GRM1: variants seen among roughly 807,000 people sequenced by gnomAD.
GRM1 encodes the protein metabotropic glutamate receptor 1.
Under a neutral mutation model 90.9 loss-of-function variants are expected in GRM1, and 33 were observed. The observed-to-expected ratio is 0.36, with a 90% confidence interval of 0.28 to 0.49. The LOEUF is 0.49. Ranked by LOEUF, GRM1 falls within the 20% of genes least tolerant of loss-of-function variation. The pLI, the probability that GRM1 is intolerant of heterozygous loss-of-function variation, is 0.99. For missense variants in GRM1, 1,190 were observed against 1,534.3 expected (o/e 0.78, Z 3.75); for synonymous variants, 700 against 613.2 (o/e 1.14, Z -2.09).
chr6:146,399,200 G>T lies in GRM1; in HGVS notation c.2161G>T (p.Val721Leu). 6.2e-7 allele frequency: 1 copy of T among 1,614,020 alleles called. No individual in the cohort carries two copies. The change falls in exon 7 of 8, where the codon GTG becomes TTG. Residue 721 changes from valine (V) to leucine (L), a missense_variant. Transcript: ENST00000282753. The surrounding 1 kb of genome is among the most constrained non-coding windows in gnomAD (Gnocchi z 5.4). ...SILISVQLTLVVTLIIMEPPM... is the reference protein window; with the variant it reads ...SILISVQLTLLVTLIIMEPPM... ...TCTGATTAGTGTGCAACTAACCCTG[G>T]TGGTAACCCTGATCATCATGGAACC... is the stretch of plus-strand genomic sequence containing the variant.
intron 1 of GRM1, among the ~76,000 whole-genome samples, chr6:146,078,484 G>A (rs1304022974): frequency 6.6e-6 from 1 of 152,166 alleles, no homozygotes; most frequent in Non-Finnish European, 1.5e-5. Context: ...GGTCCACTGG[G>A]CATGATTGAT....
At chr6:146,350,392 G>C (rs962205327) in intron 3 of GRM1, among the ~76,000 whole-genome samples, 2 of 151,844 alleles carry the variant, frequency 1.3e-5, no homozygotes, top group Non-Finnish European at 2.9e-5. Context: ...CTGCAACTTT[G>C]GGTGATGGTT....
At chr6:146,176,527 G>C (rs1018620709) in intron 2 of GRM1, among the ~76,000 whole-genome samples, 2 of 151,972 alleles carry the variant, frequency 1.3e-5, no homozygotes, top group African/African-American at 4.8e-5. Flanking sequence ...TTAGTGTGTT[G>C]ACTTGTTCAA....
chr6:146,239,573 CTG>C (rs1780776573), intron 2 of GRM1, among the ~76,000 whole-genome samples: 1 of 152,066 alleles, frequency 6.6e-6, no homozygotes, highest in Non-Finnish European at 1.5e-5. Context: ...ATGCCAGTGT[CTG>C]TGCTGTACAC....
chr6:146,344,234 G>A (rs146137505), intron 3 of GRM1, among the ~76,000 whole-genome samples: 179 of 152,230 alleles, frequency 1.2e-3, no homozygotes, highest in African/African-American at 3.9e-3. Context: ...ATACGTGTGT[G>A]TAGCTATTTG....
chr6:146,417,490 T>C lies in GRM1; in HGVS notation c.2661-16382T>C, dbSNP rs75757447. On this transcript the variant is annotated intron_variant, in intron 7 of 7. Coordinates refer to ENST00000282753, the MANE Select transcript of GRM1 (RefSeq NM_001278064.2). ...ATGTGGCTATGATGTTCTTTAGGACTATGGTGATTACACTTGTAATACTAT... is the reference window on the plus strand; with the variant it reads ...ATGTGGCTATGATGTTCTTTAGGACCATGGTGATTACACTTGTAATACTAT... 4.1e-3 allele frequency among the ~76,000 whole-genome samples: 627 copies of C among 152,324 alleles called. 15 individuals are homozygous for C. In the East Asian group the frequency reaches 0.078, roughly 19 times the overall value.
At chr6:146,287,227 G>C (rs1295448054) in intron 2 of GRM1, among the ~76,000 whole-genome samples, 1 of 152,108 alleles carries the variant, frequency 6.6e-6, no homozygotes, top group Admixed American at 6.5e-5. Context: ...ATTTTGGCTT[G>C]GAGTTGTGAT....
intron 7 of GRM1, among the ~76,000 whole-genome samples, chr6:146,431,705 A>G (rs1778414368): frequency 6.6e-6 from 1 of 152,166 alleles, no homozygotes; most frequent in Admixed American, 6.5e-5. Context: ...GCCTATGAAG[A>G]AGTGGGAAGA....
In GRM1 at chr6:146,433,924, A is replaced by C; in HGVS notation, c.2713A>C (p.Lys905Gln). 1 of 1,613,920 alleles carries C rather than the reference A, an allele frequency of 6.2e-7. No homozygotes were observed. Among genetic ancestry groups the C allele is most frequent in the Non-Finnish European group, 8.5e-7 (1 of 1,179,802 alleles). ...WSEPGGGQVP[K>Q]GQHMWHRLSV... ...TGAACCAGGTGGAGGACAGGTGCCC[A>C]AGGGACAGCATATGTGGCACCGCCT... The change falls in exon 8 of 8, where the codon AAG becomes CAG. Residue 905 changes from lysine to glutamine, a missense_variant. Physicochemically the swap from Lys to Gln is moderately conservative, Grantham distance 53. Around this residue, in one of 10 missense-constraint regions of GRM1, gnomAD observed 400 missense variants for 360.8 expected, o/e 1.11. Coordinates refer to ENST00000282753, the MANE Select transcript of GRM1 (RefSeq NM_001278064.2).
intron 2 of GRM1, among the ~76,000 whole-genome samples, chr6:146,195,726 A>G (rs1779091883): frequency 6.6e-6 from 1 of 152,248 alleles, no homozygotes; most frequent in Non-Finnish European, 1.5e-5. Context: ...GAGAAGTCCC[A>G]GTAAAAGGGA....
chr6:146,164,671 G>T (rs531690447), intron 2 of GRM1, among the ~76,000 whole-genome samples: 12 of 152,148 alleles, frequency 7.9e-5, no homozygotes, highest in African/African-American at 2.9e-4. Context: ...TCATCACTGG[G>T]TCTCACTAGT....
intron 3 of GRM1, among the ~76,000 whole-genome samples, chr6:146,325,100 C>A (rs1562610347): frequency 6.6e-6 from 1 of 152,156 alleles, no homozygotes; most frequent in Non-Finnish European, 1.5e-5. Flanking sequence ...AACAAAATAT[C>A]TTTATTTTCT....
intron 2 of GRM1, among the ~76,000 whole-genome samples, chr6:146,267,638 C>T (rs1781944952): frequency 1.0e-5 from 1 of 96,956 alleles, no homozygotes; most frequent in African/African-American, 5.9e-5. Flanking sequence ...CTGGGCTGGG[C>T]TGCGCTGGGC....
intron 2 of GRM1, among the ~76,000 whole-genome samples, chr6:146,174,487 A>G (rs1248111929): frequency 1.3e-5 from 2 of 152,210 alleles, no homozygotes; most frequent in African/African-American, 4.8e-5. Context: ...TTGTGTCAGT[A>G]AAGAGGTATA....
At chr6:146,356,210 A>G (rs1021312696) in intron 4 of GRM1, among the ~76,000 whole-genome samples, 23 of 152,198 alleles carry the variant, frequency 1.5e-4, no homozygotes, top group Admixed American at 1.5e-3. Context: ...GAATGAAATC[A>G]TGCTATTGAC....
At chr6:146,168,177 G>T (rs1777977541) in intron 2 of GRM1, among the ~76,000 whole-genome samples, 1 of 151,914 alleles carries the variant, frequency 6.6e-6, no homozygotes, top group Non-Finnish European at 1.5e-5. Flanking sequence ...TAATATATGT[G>T]TGTGTGTATT....
rs150164401 is a variant in GRM1, at chr6:146,036,399, G to A, written c.700+6182G>A. Among the ~76,000 whole-genome samples the A allele has an allele frequency of 2.0e-4, 30 of 151,990 alleles. No individual in the cohort carries two copies. The East Asian group carries it at 5.6e-3, about 28-fold the overall frequency. ...AGTTGAAAACCAGAGTCAAGACAAG[G>A]CATAAAGCCTTGTCAAAATGTCACT... On this transcript the variant is annotated intron_variant, in intron 1 of 7. Transcript: ENST00000282753.
chr6:146,191,451 A>G lies in GRM1; in HGVS notation c.950+31854A>G, dbSNP rs536638611. On this transcript the variant is annotated intron_variant, in intron 2 of 7. Transcript: ENST00000282753. ...TCTGTTTAACCCTCTTACTGATTTG[A>G]TTTCCAACTTAAGCTGAAGCCTTTC... Among the ~76,000 whole-genome samples, 18 of 152,176 alleles carry G rather than the reference A, an allele frequency of 1.2e-4. No homozygotes were observed. The East Asian group carries it at 3.3e-3, about 28-fold the overall frequency.
chr6:146,104,851 A>G (rs796906421), intron 1 of GRM1, among the ~76,000 whole-genome samples: 2 of 152,374 alleles, frequency 1.3e-5, no homozygotes, highest in African/African-American at 4.8e-5. Flanking sequence ...TAGATCTTCT[A>G]CAAAGATGGG....
Sources: allele counts gnomAD v4.1 joint callset (sites outside exome capture counted in the v4.1 genomes callset), GRCh38; gene constraint gnomAD v4.1.1; regional missense constraint gnomAD v4.1.1; non-coding constraint Gnocchi (gnomAD v3.1); transcripts MANE v1.5; gene names NCBI Gene and HGNC (gene_info 2026-07-23, HGNC 2026-07-21).